RYR2: variants seen among roughly 807,000 people sequenced by gnomAD.
The protein encoded by RYR2 is ryanodine receptor 2.
In RYR2, 227 loss-of-function variants were observed where a neutral mutation model predicts 601.1. The observed-to-expected ratio is 0.38, with a 90% confidence interval of 0.34 to 0.42. The LOEUF is 0.42. Ranked by LOEUF, RYR2 falls within the 10% of genes least tolerant of loss-of-function variation. The pLI is 1.00. For missense variants in RYR2, 4,646 were observed against 6,156.5 expected (o/e 0.75, Z 8.21); for synonymous variants, 2,223 against 2,175.1 (o/e 1.02, Z -0.61).
chr1:237,318,675 A>G (rs910499865), intron 2 of RYR2, among the ~76,000 whole-genome samples: 4 of 152,120 alleles, frequency 2.6e-5, no homozygotes, highest in African/African-American at 9.7e-5. Context: ...TCAGCCATTA[A>G]TCATATATCC....
intron 2 of RYR2, among the ~76,000 whole-genome samples, chr1:237,293,445 G>T (rs537667181): frequency 6.6e-6 from 1 of 152,254 alleles, no homozygotes; most frequent in South Asian, 2.1e-4. Context: ...GGCCTCAAGT[G>T]ATCCGCCCAC....
chr1:237,522,496 A>G (rs747699523), intron 24 of RYR2, among the ~76,000 whole-genome samples: 2 of 152,182 alleles, frequency 1.3e-5, no homozygotes, highest in African/African-American at 2.4e-5. Context: ...TTTTACTTCT[A>G]TAGGTACTCA....
chr1:237,571,218 GATTTGCATATAAAAATGTATATAT>G (rs1366901252), intron 29 of RYR2, among the ~76,000 whole-genome samples: 2 of 151,854 alleles, frequency 1.3e-5, no homozygotes, highest in Non-Finnish European at 2.9e-5. Flanking sequence ...TTTGCATATG[GATTTGCATATAAAAATGTATATAT>G]ATTTGCATAT....
At chr1:237,425,219 G>T (rs1299653658) in intron 12 of RYR2, among the ~76,000 whole-genome samples, 1 of 152,120 alleles carries the variant, frequency 6.6e-6, no homozygotes, top group African/African-American at 2.4e-5. Flanking sequence ...TAATTATGCA[G>T]AATATCAACG....
chr1:237,387,393 C>T lies in RYR2; in HGVS notation c.676+13C>T. 6.2e-7 allele frequency: 1 copy of T among 1,611,114 alleles called. No individual in the cohort carries two copies. The highest frequency in any genetic ancestry group is 1.7e-5 in the Admixed American group (1 of 59,994). On this transcript the variant is annotated intron_variant, in intron 9 of 104. Transcript: ENST00000366574. Reference sequence around the variant, plus strand: ...GAGGCAGCCCAAGGTAAAAACTCCACTTCAATTAGAGGGCCTGTCCTTGCT... The same window carrying T: ...GAGGCAGCCCAAGGTAAAAACTCCATTTCAATTAGAGGGCCTGTCCTTGCT...
rs1220474808 is a variant in RYR2 at position 237,610,128 on chromosome 1, C to G, written c.4684-634C>G. Reference sequence around the variant, plus strand: ...TCAAGATCATAGATAAATGAAGAAACTTTTGGCAAAGCAGAGACCTCTCTT... The same window carrying G: ...TCAAGATCATAGATAAATGAAGAAAGTTTTGGCAAAGCAGAGACCTCTCTT... On this transcript the variant is annotated intron_variant, in intron 35 of 104. Transcript: ENST00000366574. The surrounding 1 kb of genome is among the most constrained non-coding windows in gnomAD (Gnocchi z 4.9). 1.3e-5 allele frequency among the ~76,000 whole-genome samples: 2 copies of G among 152,092 alleles called. No homozygotes were observed. Among genetic ancestry groups the G allele is most frequent in the Non-Finnish European group, 2.9e-5 (2 of 68,040 alleles).
At chr1:237,521,750 A>AT (rs2147863990) in intron 24 of RYR2, among the ~76,000 whole-genome samples, 2 of 151,610 alleles carry the variant, frequency 1.3e-5, no homozygotes, top group East Asian at 3.9e-4. Flanking sequence ...ATACATAAAA[A>AT]AAAATAAAAT....
intron 14 of RYR2, 146 bp from the exon 15 acceptor site, chr1:237,454,245 C>A: frequency 1.3e-6 from 1 of 765,524 alleles, no homozygotes; most frequent in Non-Finnish European, 2.0e-6. Context: ...TCCATGATCA[C>A]TGCTTTTGGA....
intron 86 of RYR2, among the ~76,000 whole-genome samples, 192 bp downstream of exon 86, chr1:237,772,292 T>A (rs1558382366): frequency 6.6e-6 from 1 of 152,220 alleles, no homozygotes; most frequent in Non-Finnish European, 1.5e-5. Flanking sequence ...GCCTCCTACT[T>A]TTGCTCATTA....
At chr1:237,562,224 G>A (rs1442720650) in intron 27 of RYR2, among the ~76,000 whole-genome samples, 1 of 152,080 alleles carries the variant, frequency 6.6e-6, no homozygotes, top group Non-Finnish European at 1.5e-5. Context: ...TTACTACAAG[G>A]TTTAATCAAG....
chr1:237,140,757 G>T (rs557663385), intron 1 of RYR2, among the ~76,000 whole-genome samples: 1 of 152,168 alleles, frequency 6.6e-6, no homozygotes, highest in Admixed American at 6.5e-5. Context: ...ACCATTACAG[G>T]TGTCTTTGAC....
intron 75 of RYR2, 149 bp from the exon 76 acceptor site, chr1:237,726,938 A>G (rs1196150348): frequency 8.9e-6 from 5 of 559,864 alleles, no homozygotes; most frequent in Non-Finnish European, 1.6e-5. Context: ...ATCTTAAGGT[A>G]CTTTTGGAAT....
At chr1:237,710,553 G>C (rs1573621471) in intron 70 of RYR2, among the ~76,000 whole-genome samples, 1 of 151,956 alleles carries the variant, frequency 6.6e-6, no homozygotes, top group East Asian at 1.9e-4. Flanking sequence ...TGAAATAATG[G>C]CTGCTTAACA....
chr1:237,361,300 GT>G (rs1314464535), intron 4 of RYR2, among the ~76,000 whole-genome samples: 1 of 152,138 alleles, frequency 6.6e-6, no homozygotes, highest in Non-Finnish European at 1.5e-5. Flanking sequence ...AGAAATCCTA[GT>G]CTTTGGTGGT....
intron 84 of RYR2, among the ~76,000 whole-genome samples, chr1:237,768,644 A>G (rs1359948388): frequency 6.6e-6 from 1 of 152,146 alleles, no homozygotes; most frequent in Non-Finnish European, 1.5e-5. Flanking sequence ...CCATCTTACA[A>G]TGGAATTTCT....
chr1:237,473,431 C>G (rs9428378), intron 17 of RYR2, among the ~76,000 whole-genome samples: 1 of 115,832 alleles, frequency 8.6e-6, no homozygotes, highest in Non-Finnish European at 1.8e-5. Context: ...CTCTCTCTCT[C>G]TCTTTCTTTC....
chr1:237,785,903 G>A, intron 90 of RYR2, 66 bp from the exon 91 acceptor site: 1 of 1,093,072 alleles, frequency 9.1e-7, no homozygotes, highest in Non-Finnish European at 1.4e-6. Context: ...TGGTCACATG[G>A]CTCCCTCAAT....
intron 33 of RYR2, among the ~76,000 whole-genome samples, chr1:237,594,998 C>A (rs1675730240): frequency 7.4e-6 from 1 of 134,598 alleles, no homozygotes; most frequent in African/African-American, 2.9e-5. Flanking sequence ...AAATTTTAGC[C>A]AAATTTTAAG....
intron 1 of RYR2, among the ~76,000 whole-genome samples, chr1:237,219,986 C>G (rs1298127227): frequency 6.6e-6 from 1 of 152,174 alleles, no homozygotes; most frequent in East Asian, 1.9e-4. Flanking sequence ...CATGCAAGTA[C>G]TTTTAGCTGT....
Sources: gnomAD v4.1 joint callset for allele counts (sites outside exome capture counted in the v4.1 genomes callset) on GRCh38, gnomAD v4.1.1 for gene constraint, Gnocchi (gnomAD v3.1) non-coding constraint, MANE v1.5 for transcripts, NCBI Gene and HGNC (gene_info 2026-07-23, HGNC 2026-07-21) for gene names.